Variants in KALRN observed in about 807,000 individuals in gnomAD.
The protein encoded by KALRN is kalirin RhoGEF kinase, also known as kalirin.
KALRN carries 70 observed loss-of-function variants against 353.7 expected under a neutral mutation model. The observed-to-expected ratio is 0.20, with a 90% confidence interval of 0.16 to 0.24. KALRN has a LOEUF of 0.24. Among genes scored for constraint, KALRN ranks in the 10% least tolerant of loss-of-function variants. The probability of loss-of-function intolerance (pLI) is 1.00; values close to 1 mark genes in which losing one functional copy is unlikely to be tolerated. For synonymous variants in KALRN, 1,391 were observed against 1,434.8 expected (o/e 0.97, Z 0.69); for missense variants, 2,791 against 3,756.7 (o/e 0.74, Z 6.72).
intron 10 of KALRN, among the ~76,000 whole-genome samples, chr3:124,375,698 T>C (rs1216592912): frequency 6.6e-6 from 1 of 152,220 alleles, no homozygotes; most frequent in African/African-American, 2.4e-5. Flanking sequence ...AGGTATTTTA[T>C]TGTTGTTGTT....
At chr3:124,309,732 A>G (rs770453599) in intron 6 of KALRN, among the ~76,000 whole-genome samples, 2 of 152,200 alleles carry the variant, frequency 1.3e-5, no homozygotes, top group Admixed American at 6.5e-5. Context: ...ACAAAATCCA[A>G]CACCTATTCA....
intron 6 of KALRN, among the ~76,000 whole-genome samples, chr3:124,322,606 A>G (rs1034214454): frequency 1.3e-5 from 2 of 152,198 alleles, no homozygotes; most frequent in Non-Finnish European, 2.9e-5. Flanking sequence ...TAACTCCCAA[A>G]TGTTCCTAAT....
chr3:124,114,064 G>A (rs1011098621), intron 1 of KALRN, among the ~76,000 whole-genome samples: 2 of 152,200 alleles, frequency 1.3e-5, no homozygotes, highest in African/African-American at 4.8e-5. Context: ...AAGAGAAAGG[G>A]TTAAAAGGCA....
At chr3:124,123,607 T>C (rs1299976850) in intron 1 of KALRN, among the ~76,000 whole-genome samples, 5 of 152,318 alleles carry the variant, frequency 3.3e-5, no homozygotes, top group African/African-American at 9.6e-5. Context: ...TAGAGGATAA[T>C]TGATGTAGAA....
At chr3:124,398,203 T>C (rs1228340307) in intron 12 of KALRN, among the ~76,000 whole-genome samples, 1 of 152,190 alleles carries the variant, frequency 6.6e-6, no homozygotes, top group Non-Finnish European at 1.5e-5. Flanking sequence ...TACTTACAAT[T>C]TTGGCAACCA....
intron 37 of KALRN, among the ~76,000 whole-genome samples, chr3:124,639,662 G>A (rs1211808484): frequency 6.6e-6 from 1 of 152,162 alleles, no homozygotes; most frequent in East Asian, 1.9e-4. Flanking sequence ...AGAGAAGAGG[G>A]GATGTGGGAT....
At chr3:124,190,628 C>T (rs1257006712) in intron 1 of KALRN, among the ~76,000 whole-genome samples, 1 of 152,164 alleles carries the variant, frequency 6.6e-6, no homozygotes, top group Non-Finnish European at 1.5e-5. Flanking sequence ...GCTGAGATGG[C>T]TCTAACAGTT....
intron 1 of KALRN, among the ~76,000 whole-genome samples, chr3:124,046,048 G>A (rs2040449117): frequency 1.3e-5 from 2 of 152,122 alleles, no homozygotes; most frequent in East Asian, 1.9e-4. Flanking sequence ...TAGACCATAG[G>A]TGTATGTTTC....
intron 1 of KALRN, among the ~76,000 whole-genome samples, chr3:124,106,230 A>G (rs1420981713): frequency 6.6e-6 from 1 of 152,168 alleles, no homozygotes; most frequent in African/African-American, 2.4e-5. Context: ...TGCTTAGAAA[A>G]TGATTTTTAA....
chr3:124,364,061 G>A (rs1347950458), intron 10 of KALRN, among the ~76,000 whole-genome samples: 2 of 152,178 alleles, frequency 1.3e-5, no homozygotes, highest in Non-Finnish European at 2.9e-5. Flanking sequence ...TTATATCTAC[G>A]TTTTGGGGGT....
intron 33 of KALRN, among the ~76,000 whole-genome samples, chr3:124,518,174 T>G (rs1011497191): frequency 1.3e-5 from 2 of 152,194 alleles, no homozygotes; most frequent in Non-Finnish European, 2.9e-5. Context: ...CTGGTGGGCT[T>G]CTTCTGAACC....
chr3:124,690,606 T>C (rs1434241535), intron 51 of KALRN, among the ~76,000 whole-genome samples: 2 of 152,242 alleles, frequency 1.3e-5, no homozygotes, highest in Non-Finnish European at 2.9e-5. Context: ...CTGAATGCTA[T>C]GATGGAACGA....
At chr3:124,111,404 G>A (rs978534211) in intron 1 of KALRN, among the ~76,000 whole-genome samples, 1 of 152,200 alleles carries the variant, frequency 6.6e-6, no homozygotes, top group Non-Finnish European at 1.5e-5. Flanking sequence ...CACTGGAAGG[G>A]GATGCAATTT....
At position 124,188,116 on chromosome 3, in the gene KALRN, A is replaced by C. The variant is rs149594082; in HGVS notation, c.74-39874A>C. On this transcript the variant is annotated intron_variant, in intron 1 of 59. Transcript: ENST00000682506. ...GGCTGCAGCCAGGCATTATGTTTTT[A>C]TGTGCAGCTAGAGTTGAGCCCCCAG... 3.9e-3 allele frequency among the ~76,000 whole-genome samples: 591 copies of C among 152,334 alleles called. 12 individuals are homozygous for C. The highest frequency in any genetic ancestry group is 1.1e-3 in the Non-Finnish European group (75 of 68,032).
intron 30 of KALRN, 144 bp downstream of exon 30, chr3:124,491,028 G>T (rs2063103176): frequency 1.4e-6 from 1 of 736,604 alleles, no homozygotes; most frequent in Admixed American, 2.9e-5. Context: ...CTCCTATTTG[G>T]AAAGCACCCC....
chr3:124,395,292 T>A lies in KALRN; in HGVS notation c.2120T>A (p.Ile707Asn), dbSNP rs376459385. The A allele has an allele frequency of 9.3e-6, 15 of 1,613,352 alleles. No homozygotes were observed. The African/African-American group carries it at 1.6e-4, about 17-fold the overall frequency. Residue 707 changes from isoleucine (I) to asparagine (N), a missense_variant, in exon 12 of 60, where the codon ATC (isoleucine) becomes AAC (asparagine). Coordinates refer to ENST00000682506, the MANE Select transcript of KALRN (RefSeq NM_001388419.1). ...LNVIKEGEDLIQQLRSAPPSL... is the reference protein window; with the variant it reads ...LNVIKEGEDLNQQLRSAPPSL... ...GTCATCAAGGAAGGCGAAGACCTTA[T>A]CCAGCAGCTCAGGTCAGCGCCTCCC...
chr3:124,564,902 T>A (rs2072607270), intron 34 of KALRN, among the ~76,000 whole-genome samples: 1 of 152,218 alleles, frequency 6.6e-6, no homozygotes, highest in Admixed American at 6.5e-5. Context: ...AGGCCTTAGT[T>A]CTGGGCTTAT....
At chr3:124,242,826 TC>T (rs1475936945) in intron 3 of KALRN, among the ~76,000 whole-genome samples, 1 of 152,058 alleles carries the variant, frequency 6.6e-6, no homozygotes, top group Middle Eastern at 3.2e-3. Context: ...TCACAGTTCC[TC>T]CCCCAGGTGT....
intron 1 of KALRN, among the ~76,000 whole-genome samples, chr3:124,186,451 G>A (rs1224253401): frequency 1.3e-5 from 2 of 152,120 alleles, no homozygotes; most frequent in African/African-American, 4.8e-5. Flanking sequence ...AGTTAAAGAT[G>A]ATTAGAAGCA....
Sources: allele counts gnomAD v4.1 joint callset (sites outside exome capture counted in the v4.1 genomes callset), GRCh38; gene constraint gnomAD v4.1.1; transcripts MANE v1.5; gene names NCBI Gene and HGNC (gene_info 2026-07-23, HGNC 2026-07-21).